Variants in CSMD1 observed in about 807,000 individuals in gnomAD.
The protein encoded by CSMD1 is CUB and Sushi multiple domains 1.
In CSMD1, 213 loss-of-function variants were observed where a neutral mutation model predicts 417.5. The observed-to-expected ratio is 0.51, with a 90% CI of 0.46 to 0.57. The LOEUF (loss-of-function observed/expected upper bound fraction) is 0.57, where lower values mean the gene tolerates loss of function less well. CSMD1 is among the 20% of genes least tolerant of loss of function. The pLI, the probability that CSMD1 is intolerant of heterozygous loss-of-function variation, is 0.00. For missense variants in CSMD1, 6,923 were observed against 4,529.7 expected (o/e 1.53, Z -15.17); for synonymous variants, 2,862 against 1,736.8 (o/e 1.65, Z -16.11).
intron 3 of CSMD1, among the ~76,000 whole-genome samples, chr8:4,229,327 C>G (rs747747850): frequency 2.6e-5 from 4 of 152,150 alleles, no homozygotes; most frequent in Non-Finnish European, 5.9e-5. Flanking sequence ...CTGAATGAGT[C>G]CAATGTGCTT....
intron 14 of CSMD1, among the ~76,000 whole-genome samples, chr8:3,407,241 A>C (rs1160306123): frequency 6.6e-6 from 1 of 151,796 alleles, no homozygotes; most frequent in Non-Finnish European, 1.5e-5. Flanking sequence ...AAACGATGGA[A>C]GGGAAGGATG....
At chr8:4,491,769 G>T (rs191960314) in intron 2 of CSMD1, among the ~76,000 whole-genome samples, 6 of 152,146 alleles carry the variant, frequency 3.9e-5, no homozygotes, top group Admixed American at 1.3e-4. Context: ...CTCACTGCTG[G>T]TGGGAACGCA....
chr8:3,696,013 G>C (rs985814133), intron 7 of CSMD1, among the ~76,000 whole-genome samples: 1 of 152,102 alleles, frequency 6.6e-6, no homozygotes, highest in Non-Finnish European at 1.5e-5. Flanking sequence ...ACTTGTGGAA[G>C]ACCTACCATT....
chr8:4,441,845 A>T (rs1000028303), intron 2 of CSMD1, among the ~76,000 whole-genome samples: 2 of 152,210 alleles, frequency 1.3e-5, no homozygotes, highest in African/African-American at 2.4e-5. Flanking sequence ...TAAAAGCATG[A>T]ACGAAAATTC....
At chr8:2,996,194 T>A (rs773234359) in intron 54 of CSMD1, among the ~76,000 whole-genome samples, 2 of 151,884 alleles carry the variant, frequency 1.3e-5, no homozygotes, top group Non-Finnish European at 2.9e-5. Context: ...AGAGAGAGAA[T>A]TGATGACATT....
chr8:4,044,148 A>G (rs1408258899), intron 3 of CSMD1, among the ~76,000 whole-genome samples: 6 of 152,330 alleles, frequency 3.9e-5, no homozygotes, highest in South Asian at 2.1e-4. Context: ...TAACAGTAAG[A>G]AAGAAGATGA....
At chr8:4,229,260 G>C (rs1202395440) in intron 3 of CSMD1, among the ~76,000 whole-genome samples, 1 of 152,184 alleles carries the variant, frequency 6.6e-6, no homozygotes, top group South Asian at 2.1e-4. Flanking sequence ...ACGCTGAGAT[G>C]CTGAGCAATC....
At chr8:4,478,484 C>G (rs1217374168) in intron 2 of CSMD1, among the ~76,000 whole-genome samples, 1 of 149,442 alleles carries the variant, frequency 6.7e-6, no homozygotes, top group Non-Finnish European at 1.5e-5. Flanking sequence ...CATTAGCTTT[C>G]CCCCCCAAAA....
chr8:3,853,830 T>A (rs1804090432), intron 5 of CSMD1, among the ~76,000 whole-genome samples: 2 of 149,420 alleles, frequency 1.3e-5, no homozygotes, highest in Non-Finnish European at 3.0e-5. Flanking sequence ...GTAACAAACC[T>A]GCACATTGTG....
chr8:4,734,612 T>C (rs1810108645), intron 1 of CSMD1, among the ~76,000 whole-genome samples: 1 of 152,226 alleles, frequency 6.6e-6, no homozygotes, highest in South Asian at 2.1e-4. Flanking sequence ...CTATACTGTA[T>C]AACATTATAT....
At chr8:3,826,861 A>G (rs2129085468) in intron 5 of CSMD1, among the ~76,000 whole-genome samples, 1 of 152,266 alleles carries the variant, frequency 6.6e-6, no homozygotes, top group African/African-American at 2.4e-5. Flanking sequence ...ATCATAGCTC[A>G]CTGCAGCATC....
At chr8:3,842,226 T>A (rs1247617326) in intron 5 of CSMD1, among the ~76,000 whole-genome samples, 1 of 152,160 alleles carries the variant, frequency 6.6e-6, no homozygotes. Flanking sequence ...TGTAGAATCA[T>A]CTGCTTGTCC....
At chr8:3,219,576 TA>T in intron 28 of CSMD1, 134 bp from the exon 29 acceptor site, 1 of 580,750 alleles carries the variant, frequency 1.7e-6, no homozygotes, top group Non-Finnish European at 2.9e-6. Context: ...ATCAAAAAGT[TA>T]AATGTAGTAT....
chr8:3,982,378 A>T (rs537826395), intron 5 of CSMD1, among the ~76,000 whole-genome samples: 1 of 151,852 alleles, frequency 6.6e-6, no homozygotes, highest in South Asian at 2.1e-4. Context: ...ACAAACCTCC[A>T]TGGTTGTTAG....
intron 7 of CSMD1, among the ~76,000 whole-genome samples, chr8:3,675,799 A>G (rs1450468194): frequency 2.6e-5 from 4 of 152,142 alleles, no homozygotes; most frequent in Admixed American, 2.6e-4. Flanking sequence ...AGTCTATGAT[A>G]TTTTGTTATA....
intron 6 of CSMD1, among the ~76,000 whole-genome samples, chr8:3,732,165 C>T (rs1235786144): frequency 6.6e-6 from 1 of 152,198 alleles, no homozygotes; most frequent in Non-Finnish European, 1.5e-5. Flanking sequence ...GTTCAGGTCA[C>T]TCGTGGTGGT....
chr8:3,600,820 G>A (rs944856969), intron 8 of CSMD1, among the ~76,000 whole-genome samples: 1 of 151,590 alleles, frequency 6.6e-6, no homozygotes, highest in African/African-American at 2.4e-5. Context: ...TGCATGTTTT[G>A]CAACATTCAT....
At chr8:3,359,004 C>T in intron 21 of CSMD1, 148 bp downstream of exon 21, 1 of 669,700 alleles carries the variant, frequency 1.5e-6, no homozygotes, top group South Asian at 1.9e-5. Flanking sequence ...CAGCTCCCCT[C>T]TCCCCTGGTT....
intron 3 of CSMD1, among the ~76,000 whole-genome samples, chr8:4,316,395 G>C (rs917209417): frequency 7.2e-5 from 11 of 151,900 alleles, no homozygotes; most frequent in African/African-American, 2.4e-4. Flanking sequence ...GTTAATTCTT[G>C]GACTTACCAA....
Sources: gnomAD v4.1 joint callset for allele counts (sites outside exome capture counted in the v4.1 genomes callset) on GRCh38, gnomAD v4.1.1 for gene constraint, MANE v1.5 for transcripts, NCBI Gene and HGNC (gene_info 2026-07-23, HGNC 2026-07-21) for gene names.